Variants in TRPC6 observed in about 807,000 individuals in gnomAD.
The protein encoded by TRPC6 is short transient receptor potential channel 6.
A neutral mutation model predicts 90.7 loss-of-function variants in TRPC6; 55 were observed. That is an observed-to-expected ratio of 0.61 (90% CI 0.49 to 0.76). The LOEUF (loss-of-function observed/expected upper bound fraction) is 0.76, where lower values mean the gene tolerates loss of function less well. TRPC6 is among the 30% of genes least tolerant of loss of function. TRPC6 has a pLI of 0.00. For missense variants in TRPC6, 989 were observed against 1,122.7 expected (o/e 0.88, Z 1.70); for synonymous variants, 393 against 393.0 (o/e 1.00, Z 0.00).
chr11:101,519,450 A>G (rs998805645), intron 1 of TRPC6, among the ~76,000 whole-genome samples: 2 of 152,182 alleles, frequency 1.3e-5, no homozygotes, highest in Non-Finnish European at 2.9e-5. Flanking sequence ...TGGAATATTT[A>G]CCTTCATTTT....
chr11:101,571,442 A>G (rs142863594), intron 1 of TRPC6, among the ~76,000 whole-genome samples: 4,340 of 152,208 alleles, frequency 0.029, 119 homozygotes, highest in African/African-American at 0.068. Context: ...TGGCCATACT[A>G]CCCAAAGTAA....
chr11:101,492,995 T>G (rs1040477692), intron 2 of TRPC6, among the ~76,000 whole-genome samples: 9 of 152,236 alleles, frequency 5.9e-5, no homozygotes, highest in Admixed American at 1.3e-4. Context: ...TTGGGAAGAC[T>G]TAAATCATGC....
chr11:101,470,807 G>GCCCC (rs780988436), intron 9 of TRPC6, among the ~76,000 whole-genome samples: 1 of 32,184 alleles, frequency 3.1e-5, no homozygotes, highest in Non-Finnish European at 5.3e-5. Flanking sequence ...AAGTTGCCCC[G>GCCCC]CCCCCCCCCC....
intron 1 of TRPC6, among the ~76,000 whole-genome samples, chr11:101,532,907 GC>G (rs1860939467): frequency 6.6e-6 from 1 of 152,078 alleles, no homozygotes; most frequent in African/African-American, 2.4e-5. Flanking sequence ...CCTCCCAGCT[GC>G]CCCAAGGATT....
chr11:101,453,798 C>T, intron 11 of TRPC6, 73 bp from the exon 12 acceptor site: 1 of 1,410,286 alleles, frequency 7.1e-7, no homozygotes, highest in Admixed American at 1.7e-5. Context: ...GAACAAGTTT[C>T]AGAGTCTTCC....
chr11:101,562,267 A>C (rs1383063629), intron 1 of TRPC6, among the ~76,000 whole-genome samples: 1 of 152,184 alleles, frequency 6.6e-6, no homozygotes, highest in Non-Finnish European at 1.5e-5. Flanking sequence ...GAAGATAAGA[A>C]ACTAGGGGAA....
At chr11:101,472,703 A>G (rs1250993540) in intron 7 of TRPC6, among the ~76,000 whole-genome samples, 2 of 152,184 alleles carry the variant, frequency 1.3e-5, no homozygotes, top group East Asian at 3.8e-4. Flanking sequence ...TCCAATAGAT[A>G]ATAATCATAT....
intron 1 of TRPC6, among the ~76,000 whole-genome samples, chr11:101,542,441 G>A (rs1052909696): frequency 5.3e-5 from 8 of 152,154 alleles, no homozygotes; most frequent in Non-Finnish European, 8.8e-5. Flanking sequence ...TTTGTCTTGT[G>A]TAAATGCTGA....
At chr11:101,507,389 G>A (rs969539803) in intron 1 of TRPC6, among the ~76,000 whole-genome samples, 1 of 151,148 alleles carries the variant, frequency 6.6e-6, no homozygotes, top group Non-Finnish European at 1.5e-5. Flanking sequence ...CTTGATGCAT[G>A]TATGTTCTCT....
intron 1 of TRPC6, among the ~76,000 whole-genome samples, chr11:101,552,394 G>A (rs1252049779): frequency 6.6e-6 from 1 of 152,006 alleles, no homozygotes; most frequent in East Asian, 1.9e-4. Context: ...AAAATTACTT[G>A]GCTCTAAATA....
intron 4 of TRPC6, among the ~76,000 whole-genome samples, chr11:101,484,789 G>A (rs561560225): frequency 2.0e-5 from 3 of 151,928 alleles, no homozygotes; most frequent in East Asian, 3.9e-4. Context: ...ATCATGCCGA[G>A]ATTACTTATA....
At chr11:101,577,570 G>T (rs1346716490) in intron 1 of TRPC6, among the ~76,000 whole-genome samples, 2 of 152,162 alleles carry the variant, frequency 1.3e-5, no homozygotes, top group African/African-American at 4.8e-5. Flanking sequence ...TGTGGCGGGA[G>T]GTGGGGAGGC....
rs763350697 is a variant in TRPC6 at position 101,453,087 on chromosome 11, C to T, written c.2664G>A (p.Lys888=). The T allele has an allele frequency of 1.2e-6, 2 of 1,613,332 alleles. No homozygotes were observed. Among genetic ancestry groups the T allele is most frequent in the East Asian group, 2.2e-5 (1 of 44,832 alleles). ...EVNEGELKEI[K]QDISSLRYEL... ...CATAGCGGAGACTTGAGATGTCCTG[C>T]TTAATTTCCTTCAGTTCCCCTTTGA... The change falls in exon 13 of 13, where the codon AAG becomes AAA. Residue 888 remains lysine (K), a synonymous_variant. Coordinates refer to ENST00000344327, the MANE Select transcript of TRPC6 (RefSeq NM_004621.6).
At chr11:101,563,205 A>G (rs1183635470) in intron 1 of TRPC6, among the ~76,000 whole-genome samples, 1 of 152,222 alleles carries the variant, frequency 6.6e-6, no homozygotes, top group Non-Finnish European at 1.5e-5. Flanking sequence ...CACCACTTCA[A>G]AAAGTTCTAC....
intron 5 of TRPC6, among the ~76,000 whole-genome samples, chr11:101,479,813 A>G (rs1283809533): frequency 1.3e-5 from 2 of 148,290 alleles, no homozygotes; most frequent in African/African-American, 5.2e-5. Flanking sequence ...TTTTGATTAG[A>G]GCCTCATTTA....
Position 101,473,768 on chromosome 11 carries a change from T to A in TRPC6, c.1750A>T (p.Ile584Leu), listed in dbSNP as rs370639681. The A allele has an allele frequency of 2.8e-5, 45 of 1,613,532 alleles. No homozygotes were observed. The highest frequency in any genetic ancestry group is 3.7e-5 in the Non-Finnish European group (44 of 1,179,672). Reference protein sequence around the residue: ...DNVKYYNLARIKWDPSDPQII... With the variant: ...DNVKYYNLARLKWDPSDPQII... ...TGAGGATCAGAGGGGTCCCACTTTA[T>A]CCTGGCTAGGAAAAAGCAAAGACAA... The change falls in exon 7 of 13, where the codon ATA (isoleucine) becomes TTA (leucine). Residue 584 changes from isoleucine to leucine, a missense_variant. This residue lies in a region of TRPC6 where 118 missense variants were observed against 197.6 expected (regional missense o/e 0.60). Coordinates refer to ENST00000344327, the MANE Select transcript of TRPC6 (RefSeq NM_004621.6).
intron 10 of TRPC6, among the ~76,000 whole-genome samples, chr11:101,460,113 A>G (rs1858972075): frequency 6.6e-6 from 1 of 152,220 alleles, no homozygotes; most frequent in Admixed American, 6.5e-5. Context: ...TAAGGAAGGA[A>G]AAGCAGTGAA....
intron 1 of TRPC6, among the ~76,000 whole-genome samples, chr11:101,556,280 T>C (rs987721757): frequency 3.3e-5 from 5 of 151,940 alleles, no homozygotes; most frequent in Non-Finnish European, 5.9e-5. Context: ...ATGAAGAGTA[T>C]GTTTTTTGAA....
At chr11:101,537,792 T>C (rs1055839942) in intron 1 of TRPC6, among the ~76,000 whole-genome samples, 19 of 152,288 alleles carry the variant, frequency 1.2e-4, no homozygotes, top group Admixed American at 1.0e-3. Flanking sequence ...ATAATTTACA[T>C]TTCTTTGCCT....
Sources: allele counts gnomAD v4.1 joint callset (sites outside exome capture counted in the v4.1 genomes callset), GRCh38; gene constraint gnomAD v4.1.1; regional missense constraint gnomAD v4.1.1; transcripts MANE v1.5; gene names NCBI Gene and HGNC (gene_info 2026-07-23, HGNC 2026-07-21).